Variants in BRPF1 observed in about 807,000 individuals in gnomAD.
The protein encoded by BRPF1 is peregrin.
A neutral mutation model predicts 115.0 loss-of-function variants in BRPF1; 15 were observed. The observed-to-expected ratio is 0.13, with a 90% confidence interval of 0.09 to 0.20. BRPF1 has a LOEUF of 0.20. Among genes scored for constraint, BRPF1 ranks in the 10% least tolerant of loss-of-function variants. The probability of loss-of-function intolerance (pLI) is 1.00; values close to 1 mark genes in which losing one functional copy is unlikely to be tolerated. For missense variants in BRPF1, 1,118 were observed against 1,638.3 expected, an observed-to-expected ratio of 0.68 and a Z score of 5.48; for synonymous variants, 647 against 619.8, an observed-to-expected ratio of 1.04 and a Z score of -0.65.
chr3:9,740,593 G>C (rs961475180), intron 3 of BRPF1, among the ~76,000 whole-genome samples, 186 bp from the exon 4 acceptor site: 3 of 152,142 alleles, frequency 2.0e-5, no homozygotes, highest in Non-Finnish European at 2.9e-5. Flanking sequence ...TTGGTTTCCT[G>C]TCTGCCACGG....
intron 6 of BRPF1, 35 bp from the exon 7 acceptor site, chr3:9,742,909 T>G (rs772550521): frequency 6.3e-7 from 1 of 1,595,604 alleles, no homozygotes. Flanking sequence ...AAGGAGGATA[T>G]CTCCACTTAA....
chr3:9,746,080 G>A (rs931009317), intron 12 of BRPF1, 150 bp downstream of exon 12: 12 of 1,061,516 alleles, frequency 1.1e-5, no homozygotes, highest in Non-Finnish European at 1.1e-5. Context: ...GTACCACTTA[G>A]AGGCTCCCAC....
At position 9,742,143 on chromosome 3, in the gene BRPF1, C is replaced by G; in HGVS notation, c.1973C>G (p.Pro658Arg). The change falls in exon 6 of 14, where the codon CCT (proline) becomes CGT (arginine). Residue 658 changes from proline (P) to arginine (R), a missense_variant. By Grantham distance (103) the Pro-to-Arg change is moderately radical. Around this residue, in one of 10 missense-constraint regions of BRPF1, gnomAD observed 178 missense variants for 303.7 expected, o/e 0.59. Coordinates refer to ENST00000383829, the MANE Select transcript of BRPF1 (RefSeq NM_001003694.2). ...GGCAACATCTTCAGCGAGCCGGTCC[C>G]TCTGTCTGAGGTAACCGAATTGGAC... ...DTGNIFSEPV[P>R]LSEVTELDEV... 1 of 1,614,220 alleles carries G rather than the reference C, an allele frequency of 6.2e-7. No individual in the cohort carries two copies. Among genetic ancestry groups the G allele is most frequent in the East Asian group, 2.2e-5 (1 of 44,886 alleles).
At position 9,744,992 on chromosome 3, in the gene BRPF1, C is replaced by G. The variant is rs746878054; in HGVS notation, c.2921-16C>G. 6.2e-7 allele frequency: 1 copy of G among 1,614,198 alleles called. No homozygotes were observed. Among genetic ancestry groups the G allele is most frequent in the Admixed American group, 1.7e-5 (1 of 60,028 alleles). ...CCTGACCGGTTCCTTCCCTCCTCCC[C>G]TTCCCTTCAACCAAGACTTACCAGC... On this transcript the variant is annotated splice_polypyrimidine_tract_variant and intron_variant, in intron 9 of 13. Transcript: ENST00000383829.
chr3:9,741,519 C>T, intron 5 of BRPF1, 80 bp downstream of exon 5: 1 of 1,396,358 alleles, frequency 7.2e-7, no homozygotes, highest in Non-Finnish European at 9.4e-7. Context: ...CGCCTGTAGT[C>T]CCAGCTACTC....
intron 1 of BRPF1, among the ~76,000 whole-genome samples, chr3:9,733,622 A>G (rs983213742): frequency 6.6e-6 from 1 of 152,224 alleles, no homozygotes; most frequent in African/African-American, 2.4e-5. Context: ...GAGCCCACCA[A>G]TCAGAAAGTA....
At chr3:9,735,762 G>A (rs1265217998) in intron 2 of BRPF1, among the ~76,000 whole-genome samples, 1 of 152,162 alleles carries the variant, frequency 6.6e-6, no homozygotes, top group African/African-American at 2.4e-5. Flanking sequence ...ATGGGGGGCA[G>A]TGTGGTGCTG....
chr3:9,746,170 T>C (rs1462043348), intron 12 of BRPF1, 130 bp from the exon 13 acceptor site: 1 of 1,250,434 alleles, frequency 8.0e-7, no homozygotes, highest in Non-Finnish European at 1.1e-6. Flanking sequence ...AAGCTGAGGG[T>C]CAGCATTGCA....
In BRPF1 at chr3:9,743,650, T is replaced by A; in HGVS notation, c.2384T>A (p.Leu795His). Residue 795 changes from leucine to histidine, a missense_variant, in exon 8 of 14, where the codon CTT becomes CAT. By Grantham distance (99) the Leu-to-His change is moderately conservative. Around this residue, in one of 10 missense-constraint regions of BRPF1, gnomAD observed 223 missense variants for 240.7 expected, o/e 0.93. Coordinates refer to ENST00000383829, the MANE Select transcript of BRPF1 (RefSeq NM_001003694.2). This position sits in a 1 kb window ranked among gnomAD's most constrained non-coding sequence, Gnocchi z 6.1. The part of the protein sequence containing the change: ...HLPVEEQLKL[L>H]LERLDEVNAS... ...CCAGTGGAAGAACAGCTAAAGCTGC[T>A]TCTGGAGCGGCTGGACGAAGTGAAT... The A allele has an allele frequency of 6.2e-7, 1 of 1,614,062 alleles. No individual in the cohort carries two copies. The highest frequency in any genetic ancestry group is 8.5e-7 in the Non-Finnish European group (1 of 1,180,012).
In BRPF1 at chr3:9,747,426, C is replaced by T. The variant is rs1267280772; in HGVS notation, c.*77C>T. 2.6e-6 allele frequency: 4 copies of T among 1,543,168 alleles called. No homozygotes were observed. Among genetic ancestry groups the T allele is most frequent in the Non-Finnish European group, 3.5e-6 (4 of 1,130,278 alleles). On this transcript the variant is annotated 3_prime_UTR_variant, in exon 14 of 14. Transcript: ENST00000383829. The surrounding 1 kb of genome is among the most constrained non-coding windows in gnomAD (Gnocchi z 5.6). Reference sequence around the variant, plus strand: ...TTTGCTCACTGTCCTGGAGTGGCACCGGCCTCTGCACTGACTCATTTCTGG... The same window carrying T: ...TTTGCTCACTGTCCTGGAGTGGCACTGGCCTCTGCACTGACTCATTTCTGG...
rs2077028599 is a variant in BRPF1, at chr3:9,741,466, T to C, written c.1854+27T>C. ...TGAGTGCTCCTGGGCCAGCCCTATT[T>C]TATAAAAGAAAAAACAAAAAATTAG... On this transcript the variant is annotated intron_variant, in intron 5 of 13. Coordinates refer to ENST00000383829, the MANE Select transcript of BRPF1 (RefSeq NM_001003694.2). 7 of 1,524,394 alleles carry C rather than the reference T, an allele frequency of 4.6e-6. No individual in the cohort carries two copies. In the South Asian group the frequency reaches 7.3e-5, roughly 16 times the overall value. The allele number at this position is 1,524,394 out of a possible 1,614,324, so 94.4% of individuals were successfully genotyped here. A position where few individuals can be genotyped will look rare whatever the true frequency, so the allele number is the denominator to read the frequency against.
At position 9,745,832 on chromosome 3, in the gene BRPF1, C is replaced by T. The variant is rs376546038; in HGVS notation, c.3226C>T (p.Arg1076Trp). ...TGAAGTGGTAAGGAAGAGTCTGGGC[C>T]GGGGAGCTGGCTGGCTGTCAGAGGA... Reference protein sequence around the residue: ...GHSMVRKSLGRGAGWLSEDED... With the variant: ...GHSMVRKSLGWGAGWLSEDED... The change falls in exon 12 of 14, where the codon CGG becomes TGG. Residue 1076 changes from arginine (R) to tryptophan (W), a missense_variant. Coordinates refer to ENST00000383829, the MANE Select transcript of BRPF1 (RefSeq NM_001003694.2). The surrounding 1 kb of genome is among the most constrained non-coding windows in gnomAD (Gnocchi z 5.1). The T allele has an allele frequency of 3.1e-6, 5 of 1,613,874 alleles. No individual in the cohort carries two copies. Among genetic ancestry groups the T allele is most frequent in the African/African-American group, 1.3e-5 (1 of 74,948 alleles).
Position 9,745,743 on chromosome 3 carries a change from G to A in BRPF1, c.3205+34G>A. ...CCTTGCCCAAGGCCAGGGATGCTGG[G>A]GACCCAGTGTCAGGGTCTCGCCAGC... On this transcript the variant is annotated intron_variant, in intron 11 of 13. Coordinates refer to ENST00000383829, the MANE Select transcript of BRPF1 (RefSeq NM_001003694.2). The surrounding 1 kb of genome is among the most constrained non-coding windows in gnomAD (Gnocchi z 5.1). 6.2e-7 allele frequency: 1 copy of A among 1,611,946 alleles called. No individual in the cohort carries two copies. The highest frequency in any genetic ancestry group is 8.5e-7 in the Non-Finnish European group (1 of 1,178,102).
rs2077105997 is a variant in BRPF1 at position 9,745,399 on chromosome 3, C to A, written c.3069-174C>A. On this transcript the variant is annotated intron_variant, in intron 10 of 13. Coordinates refer to ENST00000383829, the MANE Select transcript of BRPF1 (RefSeq NM_001003694.2). This position sits in a 1 kb window ranked among gnomAD's most constrained non-coding sequence, Gnocchi z 5.1. Reference sequence around the variant, plus strand: ...TGCCGCCACTGCTCAGGCTAACCCACCTCTGTTAGGTCATCAGCCTAGCCC... The same window carrying A: ...TGCCGCCACTGCTCAGGCTAACCCAACTCTGTTAGGTCATCAGCCTAGCCC... 6.6e-6 allele frequency among the ~76,000 whole-genome samples: 1 copy of A among 152,270 alleles called. No homozygotes were observed. Among genetic ancestry groups the A allele is most frequent in the Non-Finnish European group, 1.5e-5 (1 of 68,048 alleles).
chr3:9,744,129 G>A, intron 8 of BRPF1, 95 bp from the exon 9 acceptor site: 1 of 1,411,284 alleles, frequency 7.1e-7, no homozygotes, highest in Non-Finnish European at 9.6e-7. Flanking sequence ...GTTAGCTGGA[G>A]TAATGGTCCT....
At position 9,740,895 on chromosome 3, in the gene BRPF1, G is replaced by A. The variant is rs1468130050; in HGVS notation, c.1676G>A (p.Arg559His). Reference protein sequence around the residue: ...QSRNGVPLLRRLQTHLQSQRN... With the variant: ...QSRNGVPLLRHLQTHLQSQRN... ...CGGAATGGGGTCCCATTGCTACGTCGCCTGCAGACACACCTGCAATCTCAG... is the reference window on the plus strand; with the variant it reads ...CGGAATGGGGTCCCATTGCTACGTCACCTGCAGACACACCTGCAATCTCAG... The change falls in exon 4 of 14, where the codon CGC becomes CAC. Residue 559 changes from arginine (R) to histidine (H), a missense_variant. Arg to His is a conservative substitution (Grantham distance 29). Around this residue, in one of 10 missense-constraint regions of BRPF1, gnomAD observed 178 missense variants for 303.7 expected, o/e 0.59. Coordinates refer to ENST00000383829, the MANE Select transcript of BRPF1 (RefSeq NM_001003694.2). The A allele has an allele frequency of 4.3e-6, 7 of 1,613,660 alleles. No homozygotes were observed. The highest frequency in any genetic ancestry group is 4.2e-6 in the Non-Finnish European group (5 of 1,180,036).
At chr3:9,737,403 AT>A (rs2076960250) in intron 2 of BRPF1, among the ~76,000 whole-genome samples, 1 of 152,256 alleles carries the variant, frequency 6.6e-6, no homozygotes, top group East Asian at 1.9e-4. Context: ...CTTTACCTGC[AT>A]TAACTCATTT....
chr3:9,738,848 C>T (rs995772874), intron 2 of BRPF1, 151 bp from the exon 3 acceptor site: 13 of 657,468 alleles, frequency 2.0e-5, no homozygotes, highest in Admixed American at 3.4e-5. Flanking sequence ...ATGATAGTAC[C>T]TATAATATCT....
Position 9,745,878 on chromosome 3 carries a change from C to T in BRPF1, c.3272C>T (p.Ala1091Val), listed in dbSNP as rs190935167. ...GAGGATGAGGACTCCCCGCTGGATG[C>T]TCTGGACCTCGTGTGGGCCAAATGC... ...LSEDEDSPLD[A>V]LDLVWAKCRG... Residue 1091 changes from alanine (A) to valine (V), a missense_variant, in exon 12 of 14, where the codon GCT becomes GTT. Ala to Val is a moderately conservative substitution (Grantham distance 64). Transcript: ENST00000383829. The surrounding 1 kb of genome is among the most constrained non-coding windows in gnomAD (Gnocchi z 5.1). 1.2e-6 allele frequency: 2 copies of T among 1,614,158 alleles called. No individual in the cohort carries two copies. Among genetic ancestry groups the T allele is most frequent in the Admixed American group, 3.3e-5 (2 of 60,022 alleles).
Sources: allele counts gnomAD v4.1 joint callset (sites outside exome capture counted in the v4.1 genomes callset), GRCh38; gene constraint gnomAD v4.1.1; regional missense constraint gnomAD v4.1.1; non-coding constraint Gnocchi (gnomAD v3.1); transcripts MANE v1.5; gene names NCBI Gene and HGNC (gene_info 2026-07-23, HGNC 2026-07-21).